Variants in DMD observed in about 807,000 individuals in gnomAD.
DMD encodes the protein dystrophin, also known as mutant dystrophin.
A neutral mutation model predicts 330.1 loss-of-function variants in DMD; 63 were observed. The observed-to-expected ratio is 0.19, with a 90% confidence interval of 0.16 to 0.24. The LOEUF is 0.24. DMD is among the 10% of genes least tolerant of loss of function. The probability of loss-of-function intolerance (pLI) is 1.00; values close to 1 mark genes in which losing one functional copy is unlikely to be tolerated. For synonymous variants in DMD, 1,223 were observed against 959.8 expected, an observed-to-expected ratio of 1.27 and a Z score of -5.07; for missense variants, 3,344 against 2,684.1, an observed-to-expected ratio of 1.25 and a Z score of -5.43.
chrX:33,085,049 T>C (rs192113437), intron 1 of DMD, among the ~76,000 whole-genome samples: 24 of 111,530 alleles, frequency 2.2e-4, no homozygotes, highest in African/African-American at 7.5e-4. Context: ...GTAGCTCAAA[T>C]GTTGGAGGAA....
chrX:31,617,833 T>C (rs192747630), intron 55 of DMD, among the ~76,000 whole-genome samples: 4 of 111,609 alleles, frequency 3.6e-5, no homozygotes, highest in South Asian at 7.5e-4. Flanking sequence ...TAAATGCCCA[T>C]CAATGGTAGA....
intron 7 of DMD, among the ~76,000 whole-genome samples, chrX:32,761,581 G>A (rs981459264): frequency 1.8e-5 from 2 of 111,787 alleles, no homozygotes; most frequent in African/African-American, 6.5e-5. Flanking sequence ...GACTGGAGTG[G>A]CAGAGTCTGT....
rs747039537 is a variant in DMD, at chrX:32,814,611, T to C, written c.530+1857A>G. Among the ~76,000 whole-genome samples the C allele has an allele frequency of 9.8e-5, 11 of 112,021 alleles. No homozygotes were observed. In the South Asian group the frequency reaches 4.1e-3, roughly 41 times the overall value. On this transcript the variant is annotated intron_variant, in intron 6 of 78. Transcript: ENST00000357033. ...AAGAACCTCTTGAAAAGTAACCATG[T>C]AATACATAAAGAGAGTTACTGATGA...
chrX:33,273,944 A>T (rs758495685), intron 1 of DMD, among the ~76,000 whole-genome samples: 1 of 112,237 alleles, frequency 8.9e-6, no homozygotes, highest in Admixed American at 9.5e-5. Flanking sequence ...AAAAATTCTC[A>T]ATCTTAGCAC....
intron 44 of DMD, among the ~76,000 whole-genome samples, chrX:32,107,380 G>GTC (rs2096569499): frequency 9.4e-6 from 1 of 106,356 alleles, no homozygotes; most frequent in African/African-American, 3.5e-5. Flanking sequence ...GTGTCTCTGT[G>GTC]TGTGTTTGTA....
intron 41 of DMD, among the ~76,000 whole-genome samples, chrX:32,330,669 T>C (rs772229788): frequency 1.8e-5 from 2 of 111,956 alleles, no homozygotes; most frequent in East Asian, 2.8e-4. Flanking sequence ...ATGAGTTATA[T>C]TTATCAAATA....
chrX:31,820,352 A>G (rs1247923256), intron 49 of DMD, among the ~76,000 whole-genome samples: 1 of 112,042 alleles, frequency 8.9e-6, no homozygotes, highest in Non-Finnish European at 1.9e-5. Flanking sequence ...GTGAAAACAA[A>G]CCAACAAAAA....
chrX:31,614,766 A>C (rs748170587), intron 55 of DMD, among the ~76,000 whole-genome samples: 7 of 112,234 alleles, frequency 6.2e-5, no homozygotes, highest in Non-Finnish European at 1.1e-4. Context: ...CATGAAAAAA[A>C]TGTGAACTTT....
At chrX:32,787,121 C>A (rs2075418910) in intron 7 of DMD, among the ~76,000 whole-genome samples, 2 of 109,980 alleles carry the variant, frequency 1.8e-5, no homozygotes, top group South Asian at 7.7e-4. Context: ...AATACTATGA[C>A]AATTATAAGG....
At chrX:32,455,324 A>T (rs995537182) in intron 25 of DMD, among the ~76,000 whole-genome samples, 14 of 111,617 alleles carry the variant, frequency 1.3e-4, no homozygotes, top group African/African-American at 4.2e-4. Flanking sequence ...ATTCACAAAG[A>T]AGATAATATA....
At chrX:33,333,524 T>A (rs1270456535) in intron 1 of DMD, among the ~76,000 whole-genome samples, 2 of 110,567 alleles carry the variant, frequency 1.8e-5, no homozygotes, top group African/African-American at 6.6e-5. Context: ...GGAAATACAA[T>A]AAGAATCCTA....
chrX:32,382,134 T>G (rs2097928537), intron 33 of DMD, among the ~76,000 whole-genome samples: 1 of 111,693 alleles, frequency 9.0e-6, no homozygotes, highest in Non-Finnish European at 1.9e-5. Context: ...CCTGAATGTA[T>G]AGAGCAAAAG....
At chrX:32,723,564 T>G (rs1299595190) in intron 7 of DMD, among the ~76,000 whole-genome samples, 1 of 111,393 alleles carries the variant, frequency 9.0e-6, no homozygotes, top group Admixed American at 9.6e-5. Flanking sequence ...TGAAGTTATA[T>G]TGGATAAATA....
rs201050829 is a variant in DMD at position 32,390,282 on chromosome X, G to A, written c.4234-101C>T. ...AACTCTCCTCAACCACCTCTACCAT[G>A]TAGCTTCCTTTAAAATGACCGTAAA... On this transcript the variant is annotated intron_variant, in intron 30 of 78. Transcript: ENST00000357033. 1.1e-5 allele frequency: 7 copies of A among 616,635 alleles called. No individual in the cohort carries two copies. In the East Asian group the frequency reaches 2.1e-4, roughly 19 times the overall value. 50.8% of individuals were successfully genotyped at this position (616,635 alleles called of 1,213,427 possible). A position where few individuals can be genotyped will look rare whatever the true frequency, so the allele number is the denominator to read the frequency against.
chrX:32,976,988 A>C (rs375050963), intron 2 of DMD, among the ~76,000 whole-genome samples: 19 of 111,389 alleles, frequency 1.7e-4, no homozygotes, highest in East Asian at 1.1e-3. Context: ...GAAGAAAAAA[A>C]GTTTTTAAAA....
At chrX:33,010,223 T>G in intron 2 of DMD, among the ~76,000 whole-genome samples, 1 of 107,209 alleles carries the variant, frequency 9.3e-6, no homozygotes, top group East Asian at 3.0e-4. Context: ...TATGTACATA[T>G]GTGTGTATAT....
chrX:31,575,120 A>G (rs2076031424), intron 55 of DMD, among the ~76,000 whole-genome samples: 1 of 111,923 alleles, frequency 8.9e-6, no homozygotes, highest in Non-Finnish European at 1.9e-5. Flanking sequence ...ACGGTGTTTC[A>G]GTATCTTCTT....
chrX:32,782,432 C>G (rs896067924), intron 7 of DMD, among the ~76,000 whole-genome samples: 1 of 111,479 alleles, frequency 9.0e-6, no homozygotes, highest in South Asian at 3.7e-4. Flanking sequence ...GAACAACATC[C>G]CAGGGAGTTG....
chrX:32,110,511 A>T (rs2096584671), intron 44 of DMD, among the ~76,000 whole-genome samples: 1 of 111,982 alleles, frequency 8.9e-6, no homozygotes, highest in African/African-American at 3.2e-5. Context: ...ATTTAAAATA[A>T]AGGAGTTCTA....
Sources: gnomAD v4.1 joint callset for allele counts (sites outside exome capture counted in the v4.1 genomes callset) on GRCh38, gnomAD v4.1.1 for gene constraint, MANE v1.5 for transcripts, NCBI Gene and HGNC (gene_info 2026-07-23, HGNC 2026-07-21) for gene names.